Variants in MMP9 observed in about 807,000 individuals in gnomAD.
MMP9 encodes matrix metallopeptidase 9.
A neutral mutation model predicts 76.4 loss-of-function variants in MMP9; 73 were observed. That is an observed-to-expected ratio of 0.96 (90% confidence interval 0.79 to 1.16). The LOEUF (loss-of-function observed/expected upper bound fraction) is 1.16, where lower values mean the gene tolerates loss of function less well. MMP9 is among the 50% of genes most tolerant of loss of function. The pLI, the probability that MMP9 is intolerant of heterozygous loss-of-function variation, is 0.00. For synonymous variants in MMP9, 412 were observed against 408.4 expected (o/e 1.01, Z -0.11); for missense variants, 943 against 973.0 (o/e 0.97, Z 0.41).
At position 46,012,517 on chromosome 20, in the gene MMP9, T is replaced by G. The variant is rs201131366; in HGVS notation, c.1265T>G (p.Met422Arg). ...GTGCCGGAGGCGCTCATGTACCCTATGTACCGCTTCACTGAGGGGCCCCCC... is the reference window on the plus strand; with the variant it reads ...GTGCCGGAGGCGCTCATGTACCCTAGGTACCGCTTCACTGAGGGGCCCCCC... ...SSVPEALMYPMYRFTEGPPLH... is the reference protein window; with the variant it reads ...SSVPEALMYPRYRFTEGPPLH... The change falls in exon 8 of 13, where the codon ATG becomes AGG. Residue 422 changes from methionine (M) to arginine (R), a missense_variant. By Grantham distance (91) the Met-to-Arg change is moderately conservative. Coordinates refer to ENST00000372330, the MANE Select transcript of MMP9 (RefSeq NM_004994.3). 54 of 1,613,866 alleles carry G rather than the reference T, an allele frequency of 3.3e-5. No homozygotes were observed. The highest frequency in any genetic ancestry group is 5.3e-5 in the African/African-American group (4 of 74,924).
chr20:46,012,365 T>C (rs757948759), intron 7 of MMP9, 52 bp downstream of exon 7: 8 of 1,612,744 alleles, frequency 5.0e-6, no homozygotes, highest in Non-Finnish European at 6.8e-6. Flanking sequence ...GTGGTGGTGG[T>C]GGGGTGGCCA....
At chr20:46,015,961 G>C (rs980626374) in intron 12 of MMP9, among the ~76,000 whole-genome samples, 1 of 152,202 alleles carries the variant, frequency 6.6e-6, no homozygotes, top group Non-Finnish European at 1.5e-5. Flanking sequence ...GAATTGTTCT[G>C]AGCATTAAGA....
intron 12 of MMP9, chr20:46,014,809 A>C: frequency 2.9e-6 from 1 of 347,922 alleles, no homozygotes; most frequent in East Asian, 6.5e-5. Context: ...AGATAAGACA[A>C]TTCACAGCTC....
At chr20:46,009,346 G>A (rs1315272654) in intron 1 of MMP9, among the ~76,000 whole-genome samples, 2 of 152,122 alleles carry the variant, frequency 1.3e-5, no homozygotes, top group East Asian at 1.9e-4. Flanking sequence ...TAGGCTGGGA[G>A]TGAACAGGGG....
chr20:46,012,663 C>CG, intron 8 of MMP9, 81 bp downstream of exon 8: 1 of 598,790 alleles, frequency 1.7e-6, no homozygotes, highest in African/African-American at 2.1e-5. Flanking sequence ...GGTTGGGGAT[C>CG]GGGGGAGGAA....
At position 46,011,721 on chromosome 20, in the gene MMP9, A is replaced by G. The variant is rs1287131775; in HGVS notation, c.971A>G (p.Lys324Arg). 6.8e-6 allele frequency: 11 copies of G among 1,613,124 alleles called. No individual in the cohort carries two copies. Among genetic ancestry groups the G allele is most frequent in the African/African-American group, 1.3e-5 (1 of 74,916 alleles). The change falls in exon 6 of 13, where the codon AAG becomes AGG. Residue 324 changes from lysine to arginine, a missense_variant. Lys to Arg is a conservative substitution (Grantham distance 26). Transcript: ENST00000372330. The stretch of plus-strand genomic sequence containing the variant: ...ACCACCGCCAACTACGACCGGGACA[A>G]GCTCTTCGGCTTCTGCCCGACCCGA... ...CATTANYDRD[K>R]LFGFCPTRAD...
chr20:46,013,880 G>T lies in MMP9; in HGVS notation c.1750+84G>T. On this transcript the variant is annotated intron_variant, in intron 10 of 12. Coordinates refer to ENST00000372330, the MANE Select transcript of MMP9 (RefSeq NM_004994.3). The surrounding 1 kb of genome is among the most constrained non-coding windows in gnomAD (Gnocchi z 4.5). ...AGAGACCATCGATAACCCACGAAAC[G>T]TCTTGTGCGTTTTAGAAAAATACGC... 2.5e-6 allele frequency: 4 copies of T among 1,572,352 alleles called. No homozygotes were observed. In the South Asian group the frequency reaches 4.6e-5, roughly 18 times the overall value.
At chr20:46,010,329 A>AAAAAAACAAAACAAAAC (rs1555856947) in intron 2 of MMP9, among the ~76,000 whole-genome samples, 154 bp from the exon 3 acceptor site, 10 of 143,824 alleles carry the variant, frequency 7.0e-5, no homozygotes, top group African/African-American at 2.3e-4. Context: ...GACAAAAAAA[A>AAAAAAACAAAACAAAAC]AAAAAAAAAA....
Position 46,011,125 on chromosome 20 carries a change from TC to T in MMP9, c.650-12del. ...TCATCACCCGCCGCCCTAACTCCGG[TC>T]CCCCCTCCTCCTGCAGTGGTTCCAA... On this transcript the variant is annotated splice_polypyrimidine_tract_variant and intron_variant, in intron 4 of 12. Coordinates refer to ENST00000372330, the MANE Select transcript of MMP9 (RefSeq NM_004994.3). 1 of 1,613,812 alleles carries T rather than the reference TC, an allele frequency of 6.2e-7. No individual in the cohort carries two copies. Among genetic ancestry groups the T allele is most frequent in the Non-Finnish European group, 8.5e-7 (1 of 1,180,004 alleles).
At chr20:46,012,007 T>A in intron 6 of MMP9, 130 bp from the exon 7 acceptor site, 1 of 1,281,924 alleles carries the variant, frequency 7.8e-7, no homozygotes, top group Non-Finnish European at 1.1e-6. Flanking sequence ...CCCACGGGTC[T>A]AGCCTCTTCT....
chr20:46,011,790 C>A (rs1361536607), intron 6 of MMP9, 43 bp downstream of exon 6: 1 of 1,578,368 alleles, frequency 6.3e-7, no homozygotes, highest in Admixed American at 1.8e-5. Flanking sequence ...GCCCTCTCAT[C>A]ATGTATTGGC....
chr20:46,009,728 C>A, intron 1 of MMP9, 138 bp from the exon 2 acceptor site: 1 of 758,562 alleles, frequency 1.3e-6, no homozygotes, highest in Non-Finnish European at 2.3e-6. Flanking sequence ...GTCCAGGCTG[C>A]AGTGGGCTGA....
chr20:46,010,478 T>C lies in MMP9; in HGVS notation c.372-5T>C. On this transcript the variant is annotated splice_region_variant and splice_polypyrimidine_tract_variant and intron_variant, in intron 2 of 12. Coordinates refer to ENST00000372330, the MANE Select transcript of MMP9 (RefSeq NM_004994.3). Reference sequence around the variant, plus strand: ...GACCTCCTTCCTCTGGCTCTTACGCTACAGGATCCAAAACTACTCGGAAGA... The same window carrying C: ...GACCTCCTTCCTCTGGCTCTTACGCCACAGGATCCAAAACTACTCGGAAGA... The C allele has an allele frequency of 6.2e-7, 1 of 1,614,114 alleles. No individual in the cohort carries two copies. Among genetic ancestry groups the C allele is most frequent in the East Asian group, 2.2e-5 (1 of 44,884 alleles).
At chr20:46,012,980 A>G (rs2084293509) in intron 8 of MMP9, among the ~76,000 whole-genome samples, 1 of 152,024 alleles carries the variant, frequency 6.6e-6, no homozygotes, top group Non-Finnish European at 1.5e-5. Flanking sequence ...AGTCCTAGCT[A>G]CTCTGGAGGC....
chr20:46,010,330 A>AAAAAAAAAAAAAAAAAAAAAAAC (rs2084269756), intron 2 of MMP9, among the ~76,000 whole-genome samples, 153 bp from the exon 3 acceptor site: 2 of 101,928 alleles, frequency 2.0e-5, no homozygotes, highest in African/African-American at 3.7e-5. Flanking sequence ...ACAAAAAAAA[A>AAAAAAAAAAAAAAAAAAAAAAAC]AAAAAAAAAA....
chr20:46,013,463 C>T lies in MMP9; in HGVS notation c.1539C>T (p.Asp513=). 1 of 1,614,038 alleles carries T rather than the reference C, an allele frequency of 6.2e-7. No homozygotes were observed. The highest frequency in any genetic ancestry group is 1.1e-5 in the South Asian group (1 of 91,078). The change falls in exon 9 of 13, where the codon GAC becomes GAT. Residue 513 remains aspartate (D), a synonymous_variant. Coordinates refer to ENST00000372330, the MANE Select transcript of MMP9 (RefSeq NM_004994.3). This position sits in a 1 kb window ranked among gnomAD's most constrained non-coding sequence, Gnocchi z 4.5. ...CTACTGTGCCTTTGAGTCCGGTGGACGATGCCTGCAACGTGAACATCTTCG... is the reference window on the plus strand; with the variant it reads ...CTACTGTGCCTTTGAGTCCGGTGGATGATGCCTGCAACGTGAACATCTTCG... ...TATTVPLSPV[D]DACNVNIFDA...
chr20:46,012,499 A>G lies in MMP9; in HGVS notation c.1247A>G (p.Glu416Gly). 1.2e-6 allele frequency: 2 copies of G among 1,614,014 alleles called. No homozygotes were observed. The highest frequency in any genetic ancestry group is 1.7e-6 in the Non-Finnish European group (2 of 1,179,880). Residue 416 changes from glutamate (E) to glycine (G), a missense_variant, in exon 8 of 13, where the codon GAG (glutamate) becomes GGG (glycine). Transcript: ENST00000372330. ...ALGLDHSSVP[E>G]ALMYPMYRFT... is the part of the protein sequence containing the mutation. ...GGCTTAGATCATTCCTCAGTGCCGG[A>G]GGCGCTCATGTACCCTATGTACCGC...
At position 46,009,045 on chromosome 20, in the gene MMP9, C is replaced by T; in HGVS notation, c.119C>T (p.Thr40Ile). 1.2e-6 allele frequency: 2 copies of T among 1,613,816 alleles called. No homozygotes were observed. The highest frequency in any genetic ancestry group is 8.5e-7 in the Non-Finnish European group (1 of 1,179,900). Residue 40 changes from threonine (T) to isoleucine (I), a missense_variant, in exon 1 of 13, where the codon ACC becomes ATC. Transcript: ENST00000372330. ...LFPGDLRTNL[T>I]DRQLAEEYLY... ...CCTGGAGACCTGAGAACCAATCTCA[C>T]CGACAGGCAGCTGGCAGAGGTGGGC...
intron 2 of MMP9, 150 bp from the exon 3 acceptor site, chr20:46,010,333 A>ACAAAAAAAAAAAAAAAC: frequency 2.4e-6 from 2 of 827,758 alleles, no homozygotes; most frequent in Admixed American, 2.7e-5. Context: ...AAAAAAAAAA[A>ACAAAAAAAAAAAAAAAC]AAAAAAAACA....
Sources: gnomAD v4.1 joint callset for allele counts (sites outside exome capture counted in the v4.1 genomes callset) on GRCh38, gnomAD v4.1.1 for gene constraint, Gnocchi (gnomAD v3.1) non-coding constraint, MANE v1.5 for transcripts, NCBI Gene and HGNC (gene_info 2026-07-23, HGNC 2026-07-21) for gene names.